Variants in ERBB4 observed in about 807,000 individuals in gnomAD.
ERBB4 encodes the protein receptor tyrosine-protein kinase erbB-4.
Under a neutral mutation model 158.0 loss-of-function variants are expected in ERBB4, and 42 were observed. That is an observed-to-expected ratio of 0.27 (90% CI 0.21 to 0.34). ERBB4 has a LOEUF of 0.34. Among genes scored for constraint, ERBB4 ranks in the 10% least tolerant of loss-of-function variants. The probability of loss-of-function intolerance (pLI) is 1.00; values close to 1 mark genes in which losing one functional copy is unlikely to be tolerated. For synonymous variants in ERBB4, 583 were observed against 558.7 expected (o/e 1.04, Z -0.61); for missense variants, 1,333 against 1,624.1 (o/e 0.82, Z 3.08).
intron 2 of ERBB4, among the ~76,000 whole-genome samples, chr2:212,035,673 C>T (rs1268476514): frequency 4.6e-5 from 7 of 152,172 alleles, no homozygotes; most frequent in Admixed American, 4.6e-4. Context: ...GTACTTTCCT[C>T]CCGCAAATGT....
In ERBB4 at chr2:211,478,522, T is replaced by C. The variant is rs776666976; in HGVS notation, c.2488-47422A>G. On this transcript the variant is annotated intron_variant, in intron 20 of 27. Coordinates refer to ENST00000342788, the MANE Select transcript of ERBB4 (RefSeq NM_005235.3). ...CAATTTACATCTAAATTTCCAGAAG[T>C]AAAGTCATTTCCCTTCTTCTTCCCA... 2.0e-5 allele frequency among the ~76,000 whole-genome samples: 3 copies of C among 152,150 alleles called. No individual in the cohort carries two copies. In the East Asian group the frequency reaches 5.8e-4, roughly 29 times the overall value.
At chr2:212,003,112 AGAAGGAAGGAAG>A (rs1217270481) in intron 2 of ERBB4, among the ~76,000 whole-genome samples, 3 of 48,192 alleles carry the variant, frequency 6.2e-5, no homozygotes, top group Non-Finnish European at 8.0e-5. Flanking sequence ...AAAGAAAGAA[AGAAGGAAGGAAG>A]GAAGGAAGGA....
intron 20 of ERBB4, among the ~76,000 whole-genome samples, chr2:211,537,069 G>A (rs1367307010): frequency 1.3e-5 from 2 of 150,016 alleles, no homozygotes; most frequent in African/African-American, 4.9e-5. Context: ...CAAAGTAAGA[G>A]TAAAACAATT....
Position 211,942,692 on chromosome 2 carries a change from T to C in ERBB4, c.421+4738A>G, listed in dbSNP as rs929831018. Reference sequence around the variant, plus strand: ...TCCAGTACACAGTTAACAAAACAATTACAATGTCCGTAAAATATCAAATAA... The same window carrying C: ...TCCAGTACACAGTTAACAAAACAATCACAATGTCCGTAAAATATCAAATAA... On this transcript the variant is annotated intron_variant, in intron 3 of 27. Coordinates refer to ENST00000342788, the MANE Select transcript of ERBB4 (RefSeq NM_005235.3). 1.6e-4 allele frequency among the ~76,000 whole-genome samples: 24 copies of C among 152,114 alleles called. 1 individual carries two copies. Among genetic ancestry groups the C allele is most frequent in the Admixed American group, 1.5e-3 (23 of 15,260 alleles).
intron 1 of ERBB4, among the ~76,000 whole-genome samples, chr2:212,214,100 A>C (rs2083021164): frequency 6.6e-6 from 1 of 151,850 alleles, no homozygotes; most frequent in Non-Finnish European, 1.5e-5. Flanking sequence ...CATTTTATCT[A>C]GTTTCAAAAG....
intron 1 of ERBB4, among the ~76,000 whole-genome samples, chr2:212,149,235 T>C (rs1009456842): frequency 2.0e-5 from 3 of 152,208 alleles, no homozygotes; most frequent in Non-Finnish European, 2.9e-5. Flanking sequence ...AAGTAATTTA[T>C]GATGAATTTA....
chr2:211,553,596 T>C (rs1291066318), intron 20 of ERBB4, among the ~76,000 whole-genome samples: 1 of 152,214 alleles, frequency 6.6e-6, no homozygotes, highest in Non-Finnish European at 1.5e-5. Context: ...TAACACATAG[T>C]TTACATTCTT....
chr2:212,141,355 T>C (rs944984595), intron 1 of ERBB4, among the ~76,000 whole-genome samples: 3 of 151,944 alleles, frequency 2.0e-5, no homozygotes, highest in Non-Finnish European at 4.4e-5. Context: ...GGCTCCCTGG[T>C]TCCCTCCATT....
chr2:212,343,802 TTTA>T (rs1200804399), intron 1 of ERBB4, among the ~76,000 whole-genome samples: 2 of 152,142 alleles, frequency 1.3e-5, no homozygotes, highest in Non-Finnish European at 2.9e-5. Context: ...TAAATTTAAT[TTTA>T]TGTGTTAATT....
At chr2:211,440,305 A>T (rs1295812424) in intron 20 of ERBB4, among the ~76,000 whole-genome samples, 1 of 152,196 alleles carries the variant, frequency 6.6e-6, no homozygotes, top group Non-Finnish European at 1.5e-5. Flanking sequence ...ATCAATAAAG[A>T]TGTGCTTTCC....
chr2:212,193,615 A>G (rs1489532803), intron 1 of ERBB4, among the ~76,000 whole-genome samples: 2 of 152,064 alleles, frequency 1.3e-5, no homozygotes, highest in African/African-American at 2.4e-5. Flanking sequence ...TTAGAACACT[A>G]TAATTGCAGT....
chr2:211,488,271 A>G (rs1345576783), intron 20 of ERBB4, among the ~76,000 whole-genome samples: 2 of 152,102 alleles, frequency 1.3e-5, no homozygotes, highest in African/African-American at 2.4e-5. Context: ...AAATTGTCCC[A>G]TGTTCCCCAG....
intron 2 of ERBB4, among the ~76,000 whole-genome samples, chr2:212,114,883 A>G (rs2079526739): frequency 1.3e-5 from 2 of 152,158 alleles, no homozygotes; most frequent in African/African-American, 4.8e-5. Flanking sequence ...ATAATGGTAT[A>G]CAGGGTATCA....
intron 4 of ERBB4, among the ~76,000 whole-genome samples, chr2:211,786,879 T>G (rs1161251630): frequency 6.6e-6 from 1 of 152,220 alleles, no homozygotes; most frequent in Non-Finnish European, 1.5e-5. Flanking sequence ...AGATTCCATT[T>G]TTCTCACATG....
At chr2:211,478,721 C>G (rs2065015126) in intron 20 of ERBB4, among the ~76,000 whole-genome samples, 1 of 151,672 alleles carries the variant, frequency 6.6e-6, no homozygotes. Context: ...ACAACATATC[C>G]CCTAATTCTT....
At chr2:212,025,880 C>G (rs924844230) in intron 2 of ERBB4, among the ~76,000 whole-genome samples, 1 of 151,608 alleles carries the variant, frequency 6.6e-6, no homozygotes, top group African/African-American at 2.4e-5. Flanking sequence ...ACTTTATTTT[C>G]TAAAATGTGT....
chr2:212,002,247 A>G (rs539066000), intron 2 of ERBB4, among the ~76,000 whole-genome samples: 1 of 152,358 alleles, frequency 6.6e-6, no homozygotes, highest in Admixed American at 6.5e-5. Flanking sequence ...AATCAGCTCT[A>G]GTGAGAGACC....
intron 1 of ERBB4, among the ~76,000 whole-genome samples, chr2:212,463,489 C>T (rs191999745): frequency 3.7e-4 from 57 of 152,086 alleles, no homozygotes; most frequent in Non-Finnish European, 6.9e-4. Context: ...ATACTAATCT[C>T]ATTATTGACA....
chr2:212,184,213 T>A lies in ERBB4; in HGVS notation c.83-59310A>T, dbSNP rs539628115. 9.9e-5 allele frequency among the ~76,000 whole-genome samples: 15 copies of A among 152,180 alleles called. No individual in the cohort carries two copies. In the South Asian group the frequency reaches 3.1e-3, roughly 32 times the overall value. ...TGGGGCTAATTCCCATTTTCAAAAC[T>A]TTGCTTAAATCTCGATCCTTCCCTG... On this transcript the variant is annotated intron_variant, in intron 1 of 27. Coordinates refer to ENST00000342788, the MANE Select transcript of ERBB4 (RefSeq NM_005235.3).
Sources: gnomAD v4.1 joint callset for allele counts (sites outside exome capture counted in the v4.1 genomes callset) on GRCh38, gnomAD v4.1.1 for gene constraint, MANE v1.5 for transcripts, NCBI Gene and HGNC (gene_info 2026-07-23, HGNC 2026-07-21) for gene names.